KIFC3: variants seen among roughly 807,000 people sequenced by gnomAD.
KIFC3 encodes kinesin family member C3, also known as kinesin-like protein KIFC3.
Under a neutral mutation model 101.8 loss-of-function variants are expected in KIFC3, and 60 were observed. That is an observed-to-expected ratio of 0.59 (90% CI 0.48 to 0.73). KIFC3 has a LOEUF of 0.73. Ranked by LOEUF, KIFC3 falls within the 30% of genes least tolerant of loss-of-function variation. KIFC3 has a pLI of 0.00. For missense variants in KIFC3, 966 were observed against 1,137.1 expected (o/e 0.85, Z 2.16); for synonymous variants, 476 against 482.7 (o/e 0.99, Z 0.18).
intron 1 of KIFC3, among the ~76,000 whole-genome samples, chr16:57,854,116 AT>A (rs572316016): frequency 1.0e-3 from 155 of 151,538 alleles, no homozygotes; most frequent in African/African-American, 3.6e-3. Flanking sequence ...TAATTTTTGT[AT>A]TTTTGCTAGA....
intron 1 of KIFC3, among the ~76,000 whole-genome samples, chr16:57,828,984 AG>A (rs2055519060): frequency 6.6e-6 from 1 of 152,194 alleles, no homozygotes; most frequent in South Asian, 2.1e-4. Context: ...CCAAAAAGTC[AG>A]TCAGCTCACT....
chr16:57,855,372 G>T (rs972075664), intron 1 of KIFC3, among the ~76,000 whole-genome samples: 2 of 151,656 alleles, frequency 1.3e-5, no homozygotes, highest in Non-Finnish European at 2.9e-5. Context: ...TGATCTACCC[G>T]CCTTGGCCTC....
intron 16 of KIFC3, 102 bp downstream of exon 16, chr16:57,760,624 G>A: frequency 8.7e-7 from 1 of 1,150,634 alleles, no homozygotes. Context: ...GCCAGGTCTA[G>A]GGGCGGGGAG....
intron 1 of KIFC3, among the ~76,000 whole-genome samples, chr16:57,851,570 CT>C (rs11376679): frequency 0.054 from 7,820 of 144,030 alleles, 250 homozygotes; most frequent in Admixed American, 0.1. Flanking sequence ...TTCGTTCATT[CT>C]TTTTTTTTTT....
At position 57,789,542 on chromosome 16, in the gene KIFC3, C is replaced by A. The variant is rs368911198; in HGVS notation, c.315+5457G>T. Among the ~76,000 whole-genome samples the A allele has an allele frequency of 5.3e-5, 8 of 152,128 alleles. No individual in the cohort carries two copies. In the East Asian group the frequency reaches 1.5e-3, roughly 29 times the overall value. The stretch of plus-strand genomic sequence containing the variant: ...AGACAGCGATCCTCTCTGGAAGATT[C>A]GGGGGGGATGGTGTAGTGGCTGAGA... On this transcript the variant is annotated intron_variant, in intron 3 of 19. Coordinates refer to ENST00000445690, the MANE Select transcript of KIFC3 (RefSeq NM_001130100.2).
intron 3 of KIFC3, among the ~76,000 whole-genome samples, chr16:57,786,871 C>T (rs1338452342): frequency 1.3e-5 from 2 of 152,146 alleles, no homozygotes; most frequent in African/African-American, 4.8e-5. Flanking sequence ...CTCAGCACAG[C>T]CCCAGGAGGA....
At chr16:57,804,353 C>T (rs1327740035), upstream of KIFC3, among the ~76,000 whole-genome samples, 1 of 152,148 alleles carries the variant, frequency 6.6e-6, no homozygotes, top group Non-Finnish European at 1.5e-5. Context: ...AGTACTGTTT[C>T]AGGACACCCG....
intron 1 of KIFC3, among the ~76,000 whole-genome samples, chr16:57,837,088 G>C (rs921421624): frequency 1.3e-5 from 2 of 152,110 alleles, no homozygotes; most frequent in Admixed American, 1.3e-4. Flanking sequence ...GTGTGTATGT[G>C]TTTTGTAAGG....
At chr16:57,840,080 A>G (rs1256462876) in intron 1 of KIFC3, among the ~76,000 whole-genome samples, 5 of 152,126 alleles carry the variant, frequency 3.3e-5, no homozygotes, top group African/African-American at 1.2e-4. Flanking sequence ...GCTCACACCT[A>G]TAATCCCAGC....
chr16:57,801,542 C>G (rs188556949), intron 1 of KIFC3, among the ~76,000 whole-genome samples: 4 of 152,304 alleles, frequency 2.6e-5, no homozygotes, highest in African/African-American at 9.6e-5. Context: ...CTAACAAGGG[C>G]ATGGGGAATA....
In KIFC3 at chr16:57,771,262, C is replaced by A; in HGVS notation, c.701G>T (p.Ser234Ile). 1 of 1,613,326 alleles carries A rather than the reference C, an allele frequency of 6.2e-7. No homozygotes were observed. The highest frequency in any genetic ancestry group is 8.5e-7 in the Non-Finnish European group (1 of 1,180,034). The change falls in exon 6 of 20, where the codon AGT becomes ATT. Residue 234 changes from serine to isoleucine, a missense_variant. Coordinates refer to ENST00000445690, the MANE Select transcript of KIFC3 (RefSeq NM_001130100.2). Reference sequence around the variant, plus strand: ...CTCGTGGCTGTCACGCAGGCGCCGACTAAGCCGCTCCTCCTCCTGTGCCTT... The same window carrying A: ...CTCGTGGCTGTCACGCAGGCGCCGAATAAGCCGCTCCTCCTCCTGTGCCTT... Reference protein sequence around the residue: ...AEKAQEEERLSRRLRDSHETI... With the variant: ...AEKAQEEERLIRRLRDSHETI...
At chr16:57,837,542 AAAGG>A (rs1491274813) in intron 1 of KIFC3, among the ~76,000 whole-genome samples, 5 of 118,498 alleles carry the variant, frequency 4.2e-5, no homozygotes, top group African/African-American at 1.2e-4. Context: ...AAAGAAAGAG[AAAGG>A]AAGGAAGGAA....
Position 57,760,771 on chromosome 16 carries a change from C to A in KIFC3, c.2187G>T (p.Leu729=). The change falls in exon 16 of 20, where the codon CTG becomes CTT. Residue 729 remains leucine, a synonymous_variant. Transcript: ENST00000445690. ...TGCTGTCACCACTAAGCGAATCCTG[C>A]AGCAGGTAGGTGAGCTTGGAGTTGC... is the stretch of plus-strand genomic sequence containing the variant. ...PFRNSKLTYL[L]QDSLSGDSKT... is the part of the protein sequence containing the mutation. 1 of 1,613,888 alleles carries A rather than the reference C, an allele frequency of 6.2e-7. No individual in the cohort carries two copies. Among genetic ancestry groups the A allele is most frequent in the Non-Finnish European group, 8.5e-7 (1 of 1,180,008 alleles).
intron 1 of KIFC3, chr16:57,815,520 G>A (rs1338350603): frequency 1.6e-6 from 2 of 1,281,082 alleles, no homozygotes; most frequent in African/African-American, 3.0e-5. Flanking sequence ...TCAGCACCTG[G>A]CCTGACTCTT....
Position 57,802,376 on chromosome 16 carries a change from GGC to G in KIFC3, c.-48_-47del. ...GCCCGGGCCCCCCACTCACCGGCCTGGCGGAGGCAGGATCCAGGCGTCGCCGC... is the reference window on the plus strand; with the variant it reads ...GCCCGGGCCCCCCACTCACCGGCCTGGGAGGCAGGATCCAGGCGTCGCCGC... On this transcript the variant is annotated 5_prime_UTR_variant, in exon 1 of 20. Transcript: ENST00000445690. This position sits in a 1 kb window ranked among gnomAD's most constrained non-coding sequence, Gnocchi z 5.0. 1.0e-6 allele frequency: 1 copy of G among 983,346 alleles called. No individual in the cohort carries two copies. Among genetic ancestry groups the G allele is most frequent in the South Asian group, 4.7e-5 (1 of 21,292 alleles). The allele number at this position is 983,346 out of a possible 1,614,324, so 60.9% of individuals were successfully genotyped here. A position where few individuals can be genotyped will look rare whatever the true frequency, so the allele number is the denominator to read the frequency against.
chr16:57,840,668 G>A (rs1307770716), intron 1 of KIFC3, among the ~76,000 whole-genome samples: 1 of 151,036 alleles, frequency 6.6e-6, no homozygotes, highest in Non-Finnish European at 1.5e-5. Context: ...GCTGAGGCAG[G>A]AGAATCACTT....
intron 9 of KIFC3, among the ~76,000 whole-genome samples, chr16:57,768,270 CG>C (rs781888860): frequency 6.6e-6 from 1 of 152,038 alleles, no homozygotes; most frequent in Non-Finnish European, 1.5e-5. Flanking sequence ...CGCTTGAACC[CG>C]GGAGGTGGGG....
At chr16:57,840,714 C>G (rs2055786933) in intron 1 of KIFC3, among the ~76,000 whole-genome samples, 1 of 150,860 alleles carries the variant, frequency 6.6e-6, no homozygotes, top group Admixed American at 6.6e-5. Context: ...TAGCCGAGAT[C>G]TCGCCACCGC....
At chr16:57,859,189 G>A in intron 1 of KIFC3, among the ~76,000 whole-genome samples, 1 of 152,178 alleles carries the variant, frequency 6.6e-6, no homozygotes, top group East Asian at 1.9e-4. Flanking sequence ...TGGAGGATTA[G>A]AGATTTCCTT....
Sources: gnomAD v4.1 joint callset for allele counts (sites outside exome capture counted in the v4.1 genomes callset) on GRCh38, gnomAD v4.1.1 for gene constraint, Gnocchi (gnomAD v3.1) non-coding constraint, MANE v1.5 for transcripts, NCBI Gene and HGNC (gene_info 2026-07-23, HGNC 2026-07-21) for gene names.